The following NDUFAF6 variants were observed in gnomAD, a reference collection of about 807,000 sequenced individuals.
NDUFAF6 encodes the protein NADH dehydrogenase (ubiquinone) complex I, assembly factor 6.
A neutral mutation model predicts 40.8 loss-of-function variants in NDUFAF6; 45 were observed. The observed-to-expected ratio is 1.10, with a 90% confidence interval of 0.87 to 1.42. The LOEUF is 1.42. NDUFAF6 is among the 40% of genes most tolerant of loss of function. NDUFAF6 has a pLI of 0.00. For missense variants in NDUFAF6, 435 were observed against 418.5 expected, an observed-to-expected ratio of 1.04 and a Z score of -0.34; for synonymous variants, 185 against 155.9, an observed-to-expected ratio of 1.19 and a Z score of -1.39.
At chr8:95,014,002 T>A (rs1305860743) in intron 2 of NDUFAF6, among the ~76,000 whole-genome samples, 1 of 152,198 alleles carries the variant, frequency 6.6e-6, no homozygotes, top group Non-Finnish European at 1.5e-5. Context: ...AATGCTTCTA[T>A]GAGCCAAGGA....
At chr8:94,991,844 G>A (rs897122430) in intron 2 of NDUFAF6, among the ~76,000 whole-genome samples, 8 of 142,662 alleles carry the variant, frequency 5.6e-5, no homozygotes, top group African/African-American at 1.9e-4. Flanking sequence ...TCCATTGTGT[G>A]GCTGTAGCAC....
At chr8:95,067,839 C>T (rs1832740877) in intron 9 of NDUFAF6, 1 of 151,958 alleles carries the variant, frequency 6.6e-6, no homozygotes, top group Non-Finnish European at 1.5e-5. Flanking sequence ...TCCGCTGACA[C>T]CATGGGGGTG....
intron 7 of NDUFAF6, among the ~76,000 whole-genome samples, chr8:95,051,760 G>A (rs76847527): frequency 0.018 from 2,784 of 152,248 alleles, 59 homozygotes; most frequent in East Asian, 0.11. Flanking sequence ...GTCCGGCTGC[G>A]TGGAACGAAT....
At chr8:95,031,574 C>G (rs1259142371) in intron 1 of NDUFAF6, among the ~76,000 whole-genome samples, 1 of 152,130 alleles carries the variant, frequency 6.6e-6, no homozygotes, top group African/African-American at 2.4e-5. Flanking sequence ...TAAGACATGT[C>G]AGGCCTTTTC....
At position 94,920,317 on chromosome 8, in the gene NDUFAF6, T is replaced by G. The variant is rs1318235514; in HGVS notation, c.-936+24390T>G. On this transcript the variant is annotated intron_variant, in intron 1 of 14. Transcript: ENST00000396113. ...TAAATAGAAATATATTTCTCACAGT[T>G]CTGGATGCTGTGAAGTTCGATTTCA... Among the ~76,000 whole-genome samples, 3 of 152,186 alleles carry G rather than the reference T, an allele frequency of 2.0e-5. No individual in the cohort carries two copies. The East Asian group carries it at 5.8e-4, about 29-fold the overall frequency.
chr8:94,941,150 TACATAC>T lies in NDUFAF6; in HGVS notation c.-935-4323_-935-4318del. 5 of 532,708 alleles carry T rather than the reference TACATAC, an allele frequency of 9.4e-6. No individual in the cohort carries two copies. The Middle Eastern group carries it at 1.6e-3, about 171-fold the overall frequency. 33.0% of individuals were successfully genotyped at this position (532,708 alleles called of 1,614,324 possible). ...ATCAGCATGCACATATATACATAAGTACATACACATACACACATACCCTTAGAAGAA... is the reference window on the plus strand; with the variant it reads ...ATCAGCATGCACATATATACATAAGTACATACACACATACCCTTAGAAGAA... On this transcript the variant is annotated intron_variant, in intron 1 of 14. Transcript: ENST00000396113.
intron 6 of NDUFAF6, 66 bp downstream of exon 6, chr8:95,047,193 G>C: frequency 3.1e-6 from 5 of 1,606,530 alleles, no homozygotes; most frequent in Non-Finnish European, 4.3e-6. Context: ...GTTATCTTTT[G>C]CTTTTTTGCT....
intron 1 of NDUFAF6, chr8:94,940,868 TC>T (rs1229561049): frequency 6.2e-7 from 1 of 1,613,742 alleles, no homozygotes; most frequent in African/African-American, 1.3e-5. Flanking sequence ...ATCTTCTTTC[TC>T]ATTGAATTCT....
intron 6 of NDUFAF6, among the ~76,000 whole-genome samples, chr8:95,047,897 T>C (rs1830987726): frequency 6.6e-6 from 1 of 151,788 alleles, no homozygotes; most frequent in Non-Finnish European, 1.5e-5. Context: ...TCATTCTACC[T>C]ACAACTTGTT....
At chr8:94,914,595 A>G (rs1819003394) in intron 1 of NDUFAF6, among the ~76,000 whole-genome samples, 1 of 152,180 alleles carries the variant, frequency 6.6e-6, no homozygotes, top group Non-Finnish European at 1.5e-5. Flanking sequence ...GCCACCAGGA[A>G]AGAGCTGTTT....
At chr8:95,057,745 GTTTTT>G (rs33972988) in intron 8 of NDUFAF6, 59 bp from the exon 9 acceptor site, 9 of 990,698 alleles carry the variant, frequency 9.1e-6, no homozygotes, top group Admixed American at 2.5e-5. Context: ...TCTTTAGTTA[GTTTTT>G]TTTTTTTTTA....
At chr8:94,966,896 T>C (rs1417547277) in intron 1 of NDUFAF6, among the ~76,000 whole-genome samples, 1 of 152,162 alleles carries the variant, frequency 6.6e-6, no homozygotes, top group Non-Finnish European at 1.5e-5. Flanking sequence ...TCCAGGAGAC[T>C]CACTACATAA....
chr8:94,965,165 G>T (rs756399732), intron 1 of NDUFAF6, among the ~76,000 whole-genome samples: 13 of 152,098 alleles, frequency 8.5e-5, no homozygotes, highest in South Asian at 6.2e-4. Context: ...AATGGGGACA[G>T]AAAAAAGGGG....
chr8:94,981,972 G>A (rs1056024954), intron 2 of NDUFAF6, among the ~76,000 whole-genome samples: 1 of 151,660 alleles, frequency 6.6e-6, no homozygotes, highest in African/African-American at 2.4e-5. Flanking sequence ...GCTCACGCCT[G>A]TAATCCCAGC....
upstream of NDUFAF6, among the ~76,000 whole-genome samples, chr8:95,021,643 G>A (rs753678557): frequency 7.9e-5 from 12 of 152,180 alleles, no homozygotes; most frequent in Non-Finnish European, 1.6e-4. Flanking sequence ...CTTTTGGCAG[G>A]AAGTCAGAAA....
At position 94,928,876 on chromosome 8, in the gene NDUFAF6, T is replaced by C. The variant is rs983777530; in HGVS notation, c.-935-16607T>C. On this transcript the variant is annotated intron_variant, in intron 1 of 14. Transcript: ENST00000396113. ...TCTCCTTGAAAACATTTTGTAGACCTGTACTCATTTAATTAGGGTTGCAGA... is the reference window on the plus strand; with the variant it reads ...TCTCCTTGAAAACATTTTGTAGACCCGTACTCATTTAATTAGGGTTGCAGA... The C allele has an allele frequency of 9.8e-5, 15 of 152,634 alleles. 1 individual carries two copies. The highest frequency in any genetic ancestry group is 1.9e-4 in the Non-Finnish European group (13 of 68,056). The allele number at this position is 152,634 out of a possible 1,614,324, so 9.5% of individuals were successfully genotyped here. A position where few individuals can be genotyped will look rare whatever the true frequency, so the allele number is the denominator to read the frequency against.
At chr8:95,064,575 G>C (rs767005783) in intron 9 of NDUFAF6, among the ~76,000 whole-genome samples, 1 of 152,140 alleles carries the variant, frequency 6.6e-6, no homozygotes, top group African/African-American at 2.4e-5. Flanking sequence ...GCGCGTGCGT[G>C]TGCATGATTT....
chr8:95,042,767 G>C (rs574082699), intron 4 of NDUFAF6, among the ~76,000 whole-genome samples: 2 of 152,152 alleles, frequency 1.3e-5, no homozygotes, highest in African/African-American at 4.8e-5. Context: ...TAATCAAACT[G>C]TGTGTTACTG....
chr8:94,995,128 A>G lies in NDUFAF6; in HGVS notation c.-84+14155A>G, dbSNP rs116872060. ...AACAAAATGTCTGTACATACAGTGGAATATTATGCAGCCTTAAAAAGGAGA... is the reference window on the plus strand; with the variant it reads ...AACAAAATGTCTGTACATACAGTGGGATATTATGCAGCCTTAAAAAGGAGA... On this transcript the variant is annotated intron_variant, in intron 2 of 9. Coordinates refer to the NDUFAF6 transcript ENST00000396111. Among the ~76,000 whole-genome samples, 765 of 152,354 alleles carry G rather than the reference A, an allele frequency of 5.0e-3. 4 individuals carry two copies. Among genetic ancestry groups the G allele is most frequent in the Admixed American group, 9.0e-3 (138 of 15,296 alleles).
Sources: allele counts gnomAD v4.1 joint callset (sites outside exome capture counted in the v4.1 genomes callset), GRCh38; gene constraint gnomAD v4.1.1; transcripts MANE v1.5; gene names NCBI Gene and HGNC (gene_info 2026-07-23, HGNC 2026-07-21).